The following SYT9 variants were observed in gnomAD, a reference collection of about 807,000 sequenced individuals.
SYT9 encodes the protein synaptotagmin-9.
A neutral mutation model predicts 48.4 loss-of-function variants in SYT9; 22 were observed. That is an observed-to-expected ratio of 0.45 (90% CI 0.32 to 0.65). The LOEUF (loss-of-function observed/expected upper bound fraction) is 0.65. Ranked by LOEUF, SYT9 falls within the 30% of genes least tolerant of loss-of-function variation. The pLI, the probability that SYT9 is intolerant of heterozygous loss-of-function variation, is 0.03. For synonymous variants in SYT9, 265 were observed against 245.0 expected, an observed-to-expected ratio of 1.08 and a Z score of -0.76; for missense variants, 577 against 622.0, an observed-to-expected ratio of 0.93 and a Z score of 0.77.
At chr11:7,329,970 G>A (rs1300275850) in intron 3 of SYT9, among the ~76,000 whole-genome samples, 1 of 152,056 alleles carries the variant, frequency 6.6e-6, no homozygotes, top group Non-Finnish European at 1.5e-5. Context: ...AGGGGATAGC[G>A]ATATTTTTCT....
intron 3 of SYT9, among the ~76,000 whole-genome samples, chr11:7,400,866 G>C (rs1437795712): frequency 6.6e-6 from 1 of 152,032 alleles, no homozygotes; most frequent in Non-Finnish European, 1.5e-5. Flanking sequence ...TGTATAATAT[G>C]TAATATATAT....
At chr11:7,404,437 T>C (rs1292147310) in intron 3 of SYT9, among the ~76,000 whole-genome samples, 2 of 152,208 alleles carry the variant, frequency 1.3e-5, no homozygotes, top group Non-Finnish European at 2.9e-5. Flanking sequence ...ATTGATTTCG[T>C]CTCCTTTTTT....
At chr11:7,247,599 GTA>G (rs754530851), upstream of SYT9, among the ~76,000 whole-genome samples, 29 of 141,440 alleles carry the variant, frequency 2.1e-4, no homozygotes, top group Non-Finnish European at 1.5e-4. Flanking sequence ...GTATATATAC[GTA>G]TATATACATA....
intron 3 of SYT9, among the ~76,000 whole-genome samples, chr11:7,401,969 C>T (rs1027135937): frequency 2.6e-5 from 4 of 151,704 alleles, no homozygotes; most frequent in African/African-American, 7.3e-5. Context: ...TGAACATAAG[C>T]ATTTACCGCT....
intron 3 of SYT9, among the ~76,000 whole-genome samples, chr11:7,387,789 A>T (rs1850689647): frequency 6.6e-6 from 1 of 152,188 alleles, no homozygotes; most frequent in Admixed American, 6.6e-5. Flanking sequence ...ACTATAAGTT[A>T]TCTCTTTATT....
chr11:7,376,622 G>A (rs1316457590), intron 3 of SYT9, among the ~76,000 whole-genome samples: 3 of 152,110 alleles, frequency 2.0e-5, no homozygotes, highest in Admixed American at 2.0e-4. Flanking sequence ...TTACCAAGAA[G>A]TGGATTCCCT....
chr11:7,335,435 A>G (rs976710823), intron 3 of SYT9, among the ~76,000 whole-genome samples: 1 of 152,014 alleles, frequency 6.6e-6, no homozygotes, highest in African/African-American at 2.4e-5. Context: ...CTAGTACCCA[A>G]TAATTATTTT....
chr11:7,360,435 C>A (rs1391191966), intron 3 of SYT9, among the ~76,000 whole-genome samples: 1 of 152,142 alleles, frequency 6.6e-6, no homozygotes, highest in Non-Finnish European at 1.5e-5. Flanking sequence ...GTATAAATTA[C>A]CTTGGGCAGT....
chr11:7,346,521 T>C (rs553045846), intron 3 of SYT9, among the ~76,000 whole-genome samples: 10 of 152,340 alleles, frequency 6.6e-5, no homozygotes, highest in Middle Eastern at 6.8e-3. Context: ...GTAGCCCTTC[T>C]GATGTCTCTG....
At chr11:7,324,202 A>G (rs1158987790) in intron 3 of SYT9, among the ~76,000 whole-genome samples, 1 of 151,716 alleles carries the variant, frequency 6.6e-6, no homozygotes, top group East Asian at 1.9e-4. Flanking sequence ...TTTTGAATGT[A>G]TTGTCTTAAA....
intron 2 of SYT9, among the ~76,000 whole-genome samples, chr11:7,310,790 G>A (rs1201248126): frequency 2.6e-5 from 4 of 152,088 alleles, no homozygotes; most frequent in Non-Finnish European, 4.4e-5. Flanking sequence ...AATTTTTGGA[G>A]GGATTCCTGT....
intron 1 of SYT9, among the ~76,000 whole-genome samples, chr11:7,258,253 A>G (rs61367644): frequency 0.019 from 2,963 of 152,302 alleles, 105 homozygotes; most frequent in African/African-American, 0.067. Context: ...AGAGGCATAA[A>G]TGGGGGAGCA....
At chr11:7,429,658 G>T (rs1484134232) in intron 6 of SYT9, among the ~76,000 whole-genome samples, 1 of 152,208 alleles carries the variant, frequency 6.6e-6, no homozygotes, top group African/African-American at 2.4e-5. Context: ...CTTTGGGAGT[G>T]AAGAGAACCA....
At position 7,377,909 on chromosome 11, in the gene SYT9, C is replaced by G. The variant is rs112583445; in HGVS notation, c.1045-38133C>G. ...CTTGGACAAGTTAATTAACCTCTGA[C>G]TCTGGATTCTTCTCTATAAAAAGGC... On this transcript the variant is annotated intron_variant, in intron 3 of 6. Transcript: ENST00000318881. 7.9e-5 allele frequency among the ~76,000 whole-genome samples: 12 copies of G among 152,210 alleles called. 1 individual carries two copies. Among genetic ancestry groups the G allele is most frequent in the African/African-American group, 2.9e-4 (12 of 41,552 alleles).
chr11:7,271,724 G>A (rs1041063837), intron 1 of SYT9, among the ~76,000 whole-genome samples: 5 of 152,104 alleles, frequency 3.3e-5, no homozygotes, highest in Admixed American at 2.6e-4. Flanking sequence ...CTACAGGCAC[G>A]TGCCACCATA....
In SYT9 at chr11:7,367,158, T is replaced by C. The variant is rs1406623032; in HGVS notation, c.1045-48884T>C. 5.4e-5 allele frequency among the ~76,000 whole-genome samples: 7 copies of C among 129,264 alleles called. No homozygotes were observed. In the East Asian group the frequency reaches 1.9e-3, roughly 35 times the overall value. 84.8% of individuals were successfully genotyped at this position (129,264 alleles called of 152,430 possible). A position where few individuals can be genotyped will look rare whatever the true frequency, so the allele number is the denominator to read the frequency against. On this transcript the variant is annotated intron_variant, in intron 3 of 6. Coordinates refer to ENST00000318881, the MANE Select transcript of SYT9 (RefSeq NM_175733.4). ...GTGCAGTGGCGCAATCTCGGCTCACTGCAAGCTCCGCCTCCCGGGTTCACG... is the reference window on the plus strand; with the variant it reads ...GTGCAGTGGCGCAATCTCGGCTCACCGCAAGCTCCGCCTCCCGGGTTCACG...
chr11:7,427,478 G>A (rs1044671041), intron 6 of SYT9: 3 of 152,190 alleles, frequency 2.0e-5, no homozygotes, highest in Admixed American at 6.5e-5. Context: ...CGCTCAATAT[G>A]TCCTTTCATA....
At chr11:7,416,494 AC>A (rs1363513919) in intron 4 of SYT9, among the ~76,000 whole-genome samples, 1 of 152,224 alleles carries the variant, frequency 6.6e-6, no homozygotes, top group Non-Finnish European at 1.5e-5. Flanking sequence ...TTCTATATCC[AC>A]CAGTTCCACA....
chr11:7,433,672 G>A lies in SYT9; in HGVS notation c.1467+13037G>A, dbSNP rs571285502. 4.6e-5 allele frequency among the ~76,000 whole-genome samples: 7 copies of A among 152,272 alleles called. No homozygotes were observed. The East Asian group carries it at 5.8e-4, about 13-fold the overall frequency. On this transcript the variant is annotated intron_variant, in intron 6 of 6. Transcript: ENST00000318881. ...ATGGGATTAGTGCCCTTATAAAAGA[G>A]GCCCAAGGAAACTTGTTTGCCCCTT...
Sources: allele counts gnomAD v4.1 joint callset (sites outside exome capture counted in the v4.1 genomes callset), GRCh38; gene constraint gnomAD v4.1.1; transcripts MANE v1.5; gene names NCBI Gene and HGNC (gene_info 2026-07-23, HGNC 2026-07-21).